Variants in GANC observed in about 807,000 individuals in gnomAD.
GANC encodes neutral alpha-glucosidase C.
GANC carries 117 observed loss-of-function variants against 124.2 expected under a neutral mutation model. The observed-to-expected ratio is 0.94, with a 90% CI of 0.81 to 1.10. The LOEUF is 1.10. GANC is among the 50% of genes least tolerant of loss of function. The pLI is 0.00. For missense variants in GANC, 1,140 were observed against 1,095.0 expected, an observed-to-expected ratio of 1.04 and a Z score of -0.58; for synonymous variants, 377 against 376.8, an observed-to-expected ratio of 1.00 and a Z score of -0.01.
intron 13 of GANC, 72 bp from the exon 14 acceptor site, chr15:42,329,231 TGAG>T: frequency 7.1e-7 from 1 of 1,414,394 alleles, no homozygotes; most frequent in Non-Finnish European, 9.6e-7. Context: ...ATTTTTAAAA[TGAG>T]GTAGCAATGG....
chr15:42,326,426 TA>T lies in GANC; in HGVS notation c.1420+3del. ...ACTTTGAAGGGGTGTGTTGGCCAGGTATGAAATCACTTTATACACTTATTAT... is the reference window on the plus strand; with the variant it reads ...ACTTTGAAGGGGTGTGTTGGCCAGGTTGAAATCACTTTATACACTTATTAT... On this transcript the variant is annotated splice_donor_region_variant and intron_variant, in intron 12 of 23. Coordinates refer to ENST00000318010, the MANE Select transcript of GANC (RefSeq NM_198141.3). 6.2e-7 allele frequency: 1 copy of T among 1,613,924 alleles called. No homozygotes were observed. The highest frequency in any genetic ancestry group is 8.5e-7 in the Non-Finnish European group (1 of 1,179,858).
At chr15:42,347,174 GAA>G (rs775853278) in intron 20 of GANC, among the ~76,000 whole-genome samples, 5 of 105,424 alleles carry the variant, frequency 4.7e-5, no homozygotes, top group Non-Finnish European at 6.0e-5. Context: ...CTTGTTCTTT[GAA>G]AAAAAAAAAA....
intron 23 of GANC, among the ~76,000 whole-genome samples, 196 bp downstream of exon 23, chr15:42,351,628 T>C (rs2052439085): frequency 6.6e-6 from 1 of 152,242 alleles, no homozygotes; most frequent in African/African-American, 2.4e-5. Context: ...CTGCTCACTT[T>C]TAATGTTTTT....
intron 11 of GANC, among the ~76,000 whole-genome samples, chr15:42,322,440 A>T (rs186773281): frequency 1.2e-4 from 18 of 152,278 alleles, no homozygotes; most frequent in Admixed American, 5.2e-4. Flanking sequence ...AAATGGCTTG[A>T]GAGAACTGAG....
At position 42,278,468 on chromosome 15, in the gene GANC, C is replaced by G; in HGVS notation, c.93-14C>G. 2 of 1,541,290 alleles carry G rather than the reference C, an allele frequency of 1.3e-6. No individual in the cohort carries two copies. The highest frequency in any genetic ancestry group is 1.8e-6 in the Non-Finnish European group (2 of 1,118,612). On this transcript the variant is annotated splice_polypyrimidine_tract_variant and intron_variant, in intron 2 of 23. Transcript: ENST00000318010. ...CAAATAATTATCAAGCATCTGCATA[C>G]TCCGTATCTATAGGCGTCAGAAACA... is the stretch of plus-strand genomic sequence containing the variant.
chr15:42,305,336 A>T (rs1179081290), intron 6 of GANC, among the ~76,000 whole-genome samples: 1 of 152,258 alleles, frequency 6.6e-6, no homozygotes, highest in Non-Finnish European at 1.5e-5. Flanking sequence ...TATGTGGCCA[A>T]CAAACAAAAA....
intron 10 of GANC, among the ~76,000 whole-genome samples, chr15:42,321,224 G>A (rs1021400382): frequency 3.9e-5 from 6 of 152,178 alleles, no homozygotes; most frequent in African/African-American, 1.4e-4. Flanking sequence ...CCAGACTTTT[G>A]ATGGCTTCTC....
rs2052224608 is a variant in GANC at position 42,329,457 on chromosome 15, A to C, written c.1644+8A>C. 3 of 1,601,946 alleles carry C rather than the reference A, an allele frequency of 1.9e-6. No individual in the cohort carries two copies. Among genetic ancestry groups the C allele is most frequent in the Non-Finnish European group, 2.6e-6 (3 of 1,175,870 alleles). ...ATCTACGGTTTTTATCATGTAAGAC[A>C]TCCAAAAAGAATTAAACTGGGCTTG... is the stretch of plus-strand genomic sequence containing the variant. On this transcript the variant is annotated splice_region_variant and intron_variant, in intron 14 of 23. Coordinates refer to ENST00000318010, the MANE Select transcript of GANC (RefSeq NM_198141.3).
chr15:42,307,614 C>T (rs2052010892), intron 7 of GANC, among the ~76,000 whole-genome samples: 2 of 152,202 alleles, frequency 1.3e-5, no homozygotes, highest in African/African-American at 2.4e-5. Flanking sequence ...CCACGTTATA[C>T]CTCCTAGTCA....
intron 13 of GANC, 150 bp downstream of exon 13, chr15:42,327,592 C>G: frequency 1.6e-6 from 1 of 628,812 alleles, no homozygotes. Context: ...ACATTACAGA[C>G]TCTGGGGGTG....
intron 6 of GANC, among the ~76,000 whole-genome samples, chr15:42,305,810 A>G (rs1304264714): frequency 2.6e-5 from 4 of 152,178 alleles, no homozygotes. Context: ...GGATGAAGCT[A>G]GAAACCATCA....
rs150543188 is a variant in GANC at position 42,287,773 on chromosome 15, G to A, written c.284G>A (p.Arg95Lys). The change falls in exon 4 of 24, where the codon AGA becomes AAA. Residue 95 changes from arginine to lysine, a missense_variant. Arg to Lys is a conservative substitution (Grantham distance 26). Transcript: ENST00000318010. Reference protein sequence around the residue: ...KINEETPLKPRFEVPDVLTSK... With the variant: ...KINEETPLKPKFEVPDVLTSK... The stretch of plus-strand genomic sequence containing the variant: ...AATGAAGAGACTCCTCTAAAACCCA[G>A]ATTTGAAGTTCCGGATGTCCTCACA... The A allele has an allele frequency of 8.6e-5, 139 of 1,613,242 alleles. No homozygotes were observed. The highest frequency in any genetic ancestry group is 5.0e-5 in the Admixed American group (3 of 59,906).
chr15:42,316,440 C>T (rs1180055933), intron 10 of GANC, among the ~76,000 whole-genome samples: 1 of 152,130 alleles, frequency 6.6e-6, no homozygotes, highest in Non-Finnish European at 1.5e-5. Context: ...AAGCAAGTCA[C>T]GTGATCATGG....
At chr15:42,338,129 C>T (rs2052297636) in intron 15 of GANC, among the ~76,000 whole-genome samples, 1 of 151,508 alleles carries the variant, frequency 6.6e-6, no homozygotes, top group African/African-American at 2.4e-5. Context: ...CAAAGGGTTC[C>T]TCTATCAGAC....
At chr15:42,284,104 A>T in intron 3 of GANC, 1 of 645,656 alleles carries the variant, frequency 1.5e-6, no homozygotes, top group Non-Finnish European at 2.8e-6. Context: ...TTCTTTACAT[A>T]ACAGTGAAGA....
chr15:42,339,614 T>C (rs1467480815), intron 16 of GANC, 55 bp from the exon 17 acceptor site: 1 of 1,585,358 alleles, frequency 6.3e-7, no homozygotes, highest in Non-Finnish European at 8.6e-7. Context: ...AATTTCCCTG[T>C]GTGCATCATT....
At chr15:42,344,909 G>A (rs780228416) in intron 19 of GANC, 2 of 152,062 alleles carry the variant, frequency 1.3e-5, no homozygotes, top group African/African-American at 2.4e-5. Context: ...CAAACACGTC[G>A]TTGTGAGTGT....
chr15:42,300,561 C>A (rs2051935736), intron 6 of GANC, among the ~76,000 whole-genome samples: 2 of 152,090 alleles, frequency 1.3e-5, no homozygotes, highest in South Asian at 4.1e-4. Context: ...GGGTCTAGAA[C>A]CAGAAATACC....
At chr15:42,309,219 C>T (rs1041972994) in intron 8 of GANC, among the ~76,000 whole-genome samples, 1 of 152,174 alleles carries the variant, frequency 6.6e-6, no homozygotes, top group Non-Finnish European at 1.5e-5. Flanking sequence ...GCAAGTCCAG[C>T]AGAAACTGTG....
Sources: allele counts gnomAD v4.1 joint callset (sites outside exome capture counted in the v4.1 genomes callset), GRCh38; gene constraint gnomAD v4.1.1; transcripts MANE v1.5; gene names NCBI Gene and HGNC (gene_info 2026-07-23, HGNC 2026-07-21).